COL5A2: variants seen among roughly 807,000 people sequenced by gnomAD.
The protein encoded by COL5A2 is collagen type V alpha 2 chain.
A neutral mutation model predicts 208.2 loss-of-function variants in COL5A2; 23 were observed. That is an observed-to-expected ratio of 0.11 (90% CI 0.08 to 0.16). The LOEUF (loss-of-function observed/expected upper bound fraction) is 0.16. Among genes scored for constraint, COL5A2 ranks in the 10% least tolerant of loss-of-function variants. COL5A2 has a pLI of 1.00. For synonymous variants in COL5A2, 625 were observed against 628.5 expected (o/e 0.99, Z 0.08); for missense variants, 1,590 against 1,956.4 (o/e 0.81, Z 3.53).
the COL5A2 span, among the ~76,000 whole-genome samples, chr2:189,351,998 G>A: frequency 4.2e-5 from 6 of 143,618 alleles, no homozygotes; most frequent in East Asian, 6.3e-4. Context: ...GATGCTCCCC[G>A]CCCCCTGTGA....
At chr2:189,375,940 T>C in the COL5A2 span, among the ~76,000 whole-genome samples, 1 of 152,224 alleles carries the variant, frequency 6.6e-6, no homozygotes, top group African/African-American at 2.4e-5. Context: ...TTGGCTCTCA[T>C]TCTTCTTGTC....
chr2:189,199,261 A>T (rs1042484908), intron 1 of COL5A2, among the ~76,000 whole-genome samples: 2 of 152,220 alleles, frequency 1.3e-5, no homozygotes, highest in African/African-American at 2.4e-5. Flanking sequence ...TATAACCTTT[A>T]TCTAAGTAAT....
At chr2:189,319,763 G>T in the COL5A2 span, among the ~76,000 whole-genome samples, 1 of 152,240 alleles carries the variant, frequency 6.6e-6, no homozygotes, top group Non-Finnish European at 1.5e-5. Context: ...ACAAAAGGCA[G>T]CAGAAACCTC....
intron 18 of COL5A2, among the ~76,000 whole-genome samples, 200 bp downstream of exon 18, chr2:189,071,837 TCTC>T (rs1686281815): frequency 6.6e-6 from 1 of 152,164 alleles, no homozygotes; most frequent in Non-Finnish European, 1.5e-5. Flanking sequence ...TATAAGTAAT[TCTC>T]CTTTAATTAT....
chr2:189,347,756 G>C, the COL5A2 span, among the ~76,000 whole-genome samples: 1 of 152,174 alleles, frequency 6.6e-6, no homozygotes, highest in Non-Finnish European at 1.5e-5. Context: ...TTTGTCATCT[G>C]TGCTATTAGA....
intron 1 of COL5A2, among the ~76,000 whole-genome samples, chr2:189,196,363 T>C (rs994427695): frequency 6.8e-6 from 1 of 148,134 alleles, no homozygotes; most frequent in Non-Finnish European, 1.5e-5. Flanking sequence ...ATACAAAGTG[T>C]GTAGTTGTTT....
intron 1 of COL5A2, among the ~76,000 whole-genome samples, chr2:189,130,200 G>A (rs1454235949): frequency 6.6e-6 from 1 of 151,914 alleles, no homozygotes; most frequent in Non-Finnish European, 1.5e-5. Context: ...GTAATTTGTG[G>A]GAAGATGGAA....
intron 22 of COL5A2, 42 bp from the exon 23 acceptor site, chr2:189,066,539 AC>A: frequency 6.3e-7 from 1 of 1,591,424 alleles, no homozygotes; most frequent in East Asian, 2.2e-5. Flanking sequence ...GACCCATCCA[AC>A]CAGTGAATTA....
At chr2:189,053,872 A>T in intron 37 of COL5A2, 23 bp downstream of exon 37, 1 of 1,603,044 alleles carries the variant, frequency 6.2e-7, no homozygotes, top group Non-Finnish European at 8.5e-7. Context: ...CACACTAAAG[A>T]ACACCAAAAT....
chr2:189,304,436 G>T, the COL5A2 span, among the ~76,000 whole-genome samples: 1 of 152,154 alleles, frequency 6.6e-6, no homozygotes, highest in Non-Finnish European at 1.5e-5. Flanking sequence ...ATTGGCTTGT[G>T]GTTGTTCAGC....
chr2:189,202,116 G>A (rs13413518), intron 1 of COL5A2, among the ~76,000 whole-genome samples: 21,943 of 151,588 alleles, frequency 0.14, 2,689 homozygotes, highest in African/African-American at 0.33. Flanking sequence ...TTTAATATGT[G>A]TGTTAAAATA....
chr2:189,322,660 C>T, the COL5A2 span, among the ~76,000 whole-genome samples: 3 of 152,058 alleles, frequency 2.0e-5, no homozygotes, highest in Non-Finnish European at 1.5e-5. Context: ...ACCAATAACA[C>T]ACTCTGAAAT....
the COL5A2 span, among the ~76,000 whole-genome samples, chr2:189,415,913 G>C: frequency 1.3e-5 from 2 of 152,154 alleles, no homozygotes. Flanking sequence ...TCCCACTTTG[G>C]CCTCCCAAAG....
At chr2:189,216,311 G>A (rs1326534468) in intron 1 of COL5A2, among the ~76,000 whole-genome samples, 1 of 151,992 alleles carries the variant, frequency 6.6e-6, no homozygotes, top group Non-Finnish European at 1.5e-5. Context: ...TCCCACTTTA[G>A]CCTGGGAATT....
intron 1 of COL5A2, among the ~76,000 whole-genome samples, chr2:189,126,196 T>C (rs1687604585): frequency 6.6e-6 from 1 of 152,006 alleles, no homozygotes; most frequent in Non-Finnish European, 1.5e-5. Flanking sequence ...GATTTAAATA[T>C]TAGAAATGTT....
chr2:189,256,305 T>A, the COL5A2 span, among the ~76,000 whole-genome samples: 1 of 152,204 alleles, frequency 6.6e-6, no homozygotes, highest in African/African-American at 2.4e-5. Context: ...AGGAAGAGTT[T>A]CAAGTATCTT....
the COL5A2 span, among the ~76,000 whole-genome samples, chr2:189,272,211 C>T: frequency 1.5e-4 from 23 of 152,236 alleles, no homozygotes; most frequent in African/African-American, 4.3e-4. Context: ...CACATGCACA[C>T]GTATGTTTAT....
At chr2:189,328,305 T>A in the COL5A2 span, among the ~76,000 whole-genome samples, 4 of 152,178 alleles carry the variant, frequency 2.6e-5, no homozygotes, top group East Asian at 3.8e-4. Context: ...TCTTTAAAAC[T>A]GTATTCAAAA....
At chr2:189,369,698 T>A in the COL5A2 span, among the ~76,000 whole-genome samples, 1 of 152,150 alleles carries the variant, frequency 6.6e-6, no homozygotes, top group African/African-American at 2.4e-5. Context: ...AACTCTTGAG[T>A]CATTTCTAAG....
Sources: gnomAD v4.1 joint callset for allele counts (sites outside exome capture counted in the v4.1 genomes callset) on GRCh38, gnomAD v4.1.1 for gene constraint, MANE v1.5 for transcripts, NCBI Gene and HGNC (gene_info 2026-07-23, HGNC 2026-07-21) for gene names.